Variants in CDH13 observed in about 807,000 individuals in gnomAD.
The protein encoded by CDH13 is cadherin 13.
Under a neutral mutation model 63.8 loss-of-function variants are expected in CDH13, and 24 were observed. That is an observed-to-expected ratio of 0.38 (90% CI 0.27 to 0.53). CDH13 has a LOEUF of 0.53. CDH13 is among the 20% of genes least tolerant of loss of function. The pLI, the probability that CDH13 is intolerant of heterozygous loss-of-function variation, is 0.85. For synonymous variants in CDH13, 503 were observed against 355.3 expected, an observed-to-expected ratio of 1.42 and a Z score of -4.67; for missense variants, 1,049 against 903.1, an observed-to-expected ratio of 1.16 and a Z score of -2.07.
intron 13 of CDH13, among the ~76,000 whole-genome samples, chr16:83,787,764 C>G (rs13336291): frequency 6.6e-6 from 1 of 152,022 alleles, no homozygotes; most frequent in African/African-American, 2.4e-5. Flanking sequence ...CCAACATGGC[C>G]AAACCCCGTC....
At chr16:82,979,179 C>G (rs1329312721) in intron 2 of CDH13, among the ~76,000 whole-genome samples, 1 of 152,282 alleles carries the variant, frequency 6.6e-6, no homozygotes, top group African/African-American at 2.4e-5. Flanking sequence ...ATGCCTGTAC[C>G]CCCATTGTGT....
chr16:82,920,280 A>G (rs148126662), intron 2 of CDH13, among the ~76,000 whole-genome samples: 76 of 152,244 alleles, frequency 5.0e-4, no homozygotes, highest in African/African-American at 1.7e-3. Flanking sequence ...TTATTTTCCC[A>G]TAAGTTCTCC....
intron 1 of CDH13, among the ~76,000 whole-genome samples, chr16:82,643,324 C>T (rs1909649405): frequency 6.6e-6 from 1 of 152,188 alleles, no homozygotes; most frequent in African/African-American, 2.4e-5. Context: ...TACAGTTGTT[C>T]ACCACCTGCT....
intron 1 of CDH13, among the ~76,000 whole-genome samples, chr16:82,640,172 GTGT>G (rs1431833180): frequency 6.6e-6 from 1 of 152,236 alleles, no homozygotes. Flanking sequence ...GTGATAGACA[GTGT>G]TGTTCTGAGC....
chr16:82,953,661 G>C (rs1905616100), intron 2 of CDH13: 1 of 152,132 alleles, frequency 6.6e-6, no homozygotes, highest in South Asian at 2.1e-4. Context: ...CAGTTTGCTA[G>C]ATAAAGTCTT....
intron 6 of CDH13, among the ~76,000 whole-genome samples, chr16:83,355,722 G>C (rs2091038653): frequency 6.6e-6 from 1 of 152,186 alleles, no homozygotes; most frequent in Admixed American, 6.5e-5. Flanking sequence ...TGACTCTGTA[G>C]AGCTTGCAGA....
chr16:83,659,521 C>T (rs892846119), intron 8 of CDH13, among the ~76,000 whole-genome samples: 2 of 152,258 alleles, frequency 1.3e-5, no homozygotes, highest in African/African-American at 4.8e-5. Flanking sequence ...CTGTTGTTCT[C>T]AGCCCTTGGC....
intron 4 of CDH13, among the ~76,000 whole-genome samples, chr16:83,146,287 C>G (rs533217549): frequency 1.3e-5 from 2 of 151,966 alleles, no homozygotes; most frequent in African/African-American, 4.8e-5. Flanking sequence ...GGGATAGCAA[C>G]TGCAGAGGCC....
intron 4 of CDH13, among the ~76,000 whole-genome samples, chr16:83,178,282 C>T (rs12926833): frequency 0.071 from 10,731 of 152,082 alleles, 427 homozygotes; most frequent in Non-Finnish European, 0.082. Flanking sequence ...CTACCAGCAG[C>T]CCTCCTCCGC....
intron 1 of CDH13, among the ~76,000 whole-genome samples, chr16:82,779,039 G>A (rs1021410422): frequency 6.6e-6 from 1 of 152,180 alleles, no homozygotes; most frequent in African/African-American, 2.4e-5. Flanking sequence ...TGGACTTAGA[G>A]AGGAAAGATA....
intron 1 of CDH13, among the ~76,000 whole-genome samples, chr16:82,677,899 C>G (rs17179209): frequency 2.0e-5 from 3 of 151,930 alleles, no homozygotes; most frequent in Non-Finnish European, 4.4e-5. Flanking sequence ...ACCTTGCTCT[C>G]ACATATTTGC....
chr16:83,459,465 A>G (rs2073117585), intron 6 of CDH13, among the ~76,000 whole-genome samples: 2 of 152,198 alleles, frequency 1.3e-5, no homozygotes, highest in Admixed American at 6.5e-5. Flanking sequence ...ACTTTTCTCC[A>G]TGGACTTTAA....
chr16:82,874,217 A>C (rs1597866923), intron 2 of CDH13, among the ~76,000 whole-genome samples: 1 of 152,326 alleles, frequency 6.6e-6, no homozygotes, highest in East Asian at 1.9e-4. Context: ...TTGCTGCCAA[A>C]TGAGTTATAA....
At chr16:82,948,964 A>G (rs1237815105) in intron 2 of CDH13, among the ~76,000 whole-genome samples, 3 of 152,220 alleles carry the variant, frequency 2.0e-5, no homozygotes, top group Admixed American at 6.5e-5. Context: ...CAAACTTACT[A>G]TAGAAAATTC....
intron 3 of CDH13, among the ~76,000 whole-genome samples, chr16:83,044,354 C>T (rs1022980251): frequency 6.6e-6 from 1 of 152,146 alleles, no homozygotes; most frequent in Admixed American, 6.5e-5. Flanking sequence ...CCTGAAATAG[C>T]ATAGGAAATT....
chr16:83,249,669 G>T (rs915111851), intron 5 of CDH13, among the ~76,000 whole-genome samples: 2 of 152,164 alleles, frequency 1.3e-5, no homozygotes, highest in Non-Finnish European at 1.5e-5. Context: ...CAGAAACCTG[G>T]CTGGGGGTAT....
intron 8 of CDH13, among the ~76,000 whole-genome samples, chr16:83,651,168 A>G (rs1390672234): frequency 1.3e-5 from 2 of 152,148 alleles, no homozygotes; most frequent in African/African-American, 4.8e-5. Flanking sequence ...AGCTCTAAGT[A>G]GTTTAGATAA....
At chr16:83,540,482 A>AG (rs2075278672) in intron 7 of CDH13, among the ~76,000 whole-genome samples, 1 of 152,150 alleles carries the variant, frequency 6.6e-6, no homozygotes, top group Non-Finnish European at 1.5e-5. Context: ...ATAAATACAA[A>AG]GGGCTCTAGA....
intron 1 of CDH13, among the ~76,000 whole-genome samples, chr16:82,676,051 C>T (rs1285495260): frequency 1.3e-5 from 2 of 152,220 alleles, no homozygotes; most frequent in East Asian, 3.8e-4. Context: ...ATTGATTAAG[C>T]CCCCAGTCTG....
Sources: gnomAD v4.1 joint callset for allele counts (sites outside exome capture counted in the v4.1 genomes callset) on GRCh38, gnomAD v4.1.1 for gene constraint, MANE v1.5 for transcripts, NCBI Gene and HGNC (gene_info 2026-07-23, HGNC 2026-07-21) for gene names.